CACNA2D3: variants seen among roughly 807,000 people sequenced by gnomAD.
The protein encoded by CACNA2D3 is voltage-dependent calcium channel subunit alpha-2/delta-3.
In CACNA2D3, 60 loss-of-function variants were observed where a neutral mutation model predicts 160.6. The ratio of observed to expected loss-of-function variants is 0.37; its 90% CI spans 0.30 to 0.46. The LOEUF (loss-of-function observed/expected upper bound fraction) is 0.46, where lower values mean the gene tolerates loss of function less well. Ranked by LOEUF, CACNA2D3 falls within the 20% of genes least tolerant of loss-of-function variation. CACNA2D3 has a pLI of 1.00. For synonymous variants in CACNA2D3, 558 were observed against 492.9 expected (o/e 1.13, Z -1.75); for missense variants, 1,205 against 1,365.0 (o/e 0.88, Z 1.85).
intron 11 of CACNA2D3, among the ~76,000 whole-genome samples, chr3:54,681,926 G>A (rs1266335889): frequency 2.6e-5 from 4 of 152,078 alleles, no homozygotes; most frequent in East Asian, 1.9e-4. Flanking sequence ...CAAGTGATCC[G>A]CCTGCCTCCA....
At chr3:55,068,626 A>T (rs905999529) in intron 35 of CACNA2D3, among the ~76,000 whole-genome samples, 3 of 152,102 alleles carry the variant, frequency 2.0e-5, no homozygotes, top group African/African-American at 7.2e-5. Context: ...ATAGTTTTAC[A>T]ACATTATTTT....
chr3:54,935,238 C>T (rs1302632333), intron 27 of CACNA2D3, among the ~76,000 whole-genome samples: 2 of 152,134 alleles, frequency 1.3e-5, no homozygotes, highest in Non-Finnish European at 2.9e-5. Context: ...GGTAGACTTG[C>T]ATTTTGGGGG....
intron 11 of CACNA2D3, among the ~76,000 whole-genome samples, chr3:54,691,930 T>G (rs931003136): frequency 6.6e-6 from 1 of 152,194 alleles, no homozygotes; most frequent in African/African-American, 2.4e-5. Flanking sequence ...ACAATGTCAT[T>G]TATTACAAAC....
intron 26 of CACNA2D3, among the ~76,000 whole-genome samples, chr3:54,897,284 C>T (rs943606971): frequency 1.3e-5 from 2 of 152,088 alleles, no homozygotes; most frequent in African/African-American, 4.8e-5. Context: ...ACTGATATGC[C>T]GGACTAAGGA....
At chr3:54,767,133 CTTTTGAA>C (rs1702240293) in intron 13 of CACNA2D3, among the ~76,000 whole-genome samples, 1 of 151,664 alleles carries the variant, frequency 6.6e-6, no homozygotes, top group African/African-American at 2.4e-5. Flanking sequence ...ACAGTTTTGA[CTTTTGAA>C]AGCATATGAA....
At chr3:54,547,226 G>A (rs562017482) in intron 5 of CACNA2D3, among the ~76,000 whole-genome samples, 1 of 152,308 alleles carries the variant, frequency 6.6e-6, no homozygotes, top group Admixed American at 6.5e-5. Flanking sequence ...AATTCCTAGC[G>A]TGTATCATAC....
intron 5 of CACNA2D3, among the ~76,000 whole-genome samples, chr3:54,505,118 C>T (rs1575493102): frequency 6.6e-6 from 1 of 152,204 alleles, no homozygotes; most frequent in South Asian, 2.1e-4. Context: ...GTCTCTTTTT[C>T]CTGGTTTACC....
chr3:54,602,966 T>C (rs11130429), intron 9 of CACNA2D3, among the ~76,000 whole-genome samples: 3,346 of 152,070 alleles, frequency 0.022, 116 homozygotes, highest in African/African-American at 0.075. Flanking sequence ...CAAACTCAAG[T>C]TGAAGCAGTG....
intron 4 of CACNA2D3, among the ~76,000 whole-genome samples, chr3:54,463,135 C>T (rs914689673): frequency 9.2e-5 from 14 of 152,062 alleles, no homozygotes; most frequent in East Asian, 3.9e-4. Flanking sequence ...GAGTTTCCGC[C>T]GAGAGATCCG....
intron 10 of CACNA2D3, among the ~76,000 whole-genome samples, chr3:54,633,197 C>T (rs1422345251): frequency 6.6e-6 from 1 of 152,210 alleles, no homozygotes; most frequent in Non-Finnish European, 1.5e-5. Context: ...GGAGCCCTAC[C>T]ACCTATCCAT....
At chr3:54,307,287 C>T (rs990421450) in intron 2 of CACNA2D3, among the ~76,000 whole-genome samples, 10 of 152,090 alleles carry the variant, frequency 6.6e-5, no homozygotes, top group African/African-American at 2.4e-4. Flanking sequence ...ATGATGTCTT[C>T]GCATCTCAGC....
intron 9 of CACNA2D3, among the ~76,000 whole-genome samples, chr3:54,602,704 C>A (rs1703086351): frequency 2.0e-5 from 3 of 152,014 alleles, no homozygotes; most frequent in African/African-American, 2.4e-5. Context: ...GGGGTGCCTT[C>A]AAAAGAGTAC....
intron 35 of CACNA2D3, among the ~76,000 whole-genome samples, chr3:55,044,072 G>A (rs9825688): frequency 0.018 from 2,768 of 152,184 alleles, 86 homozygotes; most frequent in African/African-American, 0.063. Flanking sequence ...TTTTCAAAAT[G>A]CCTTTGGCTA....
In CACNA2D3 at chr3:54,790,282, C is replaced by T. The variant is rs1402662826; in HGVS notation, c.1380+25931C>T. ...CAGGGTAACTGGTGCGGTGTCCTCT[C>T]CTAGGGACCTGCCTTCTCCCCTCTC... On this transcript the variant is annotated intron_variant, in intron 13 of 37. Transcript: ENST00000474759. Among the ~76,000 whole-genome samples the T allele has an allele frequency of 2.0e-5, 3 of 152,162 alleles. No individual in the cohort carries two copies. The East Asian group carries it at 5.8e-4, about 29-fold the overall frequency.
intron 14 of CACNA2D3, among the ~76,000 whole-genome samples, chr3:54,821,595 T>C (rs893773894): frequency 6.6e-6 from 1 of 152,256 alleles, no homozygotes; most frequent in African/African-American, 2.4e-5. Flanking sequence ...GTTTATATTA[T>C]ATTTTGGAGG....
chr3:54,817,315 A>G (rs186548363), intron 14 of CACNA2D3, among the ~76,000 whole-genome samples: 2 of 152,202 alleles, frequency 1.3e-5, no homozygotes, highest in Admixed American at 6.5e-5. Context: ...TAATTGTAAA[A>G]ATCAGCAGCT....
chr3:54,291,789 G>A (rs955117220), intron 2 of CACNA2D3, among the ~76,000 whole-genome samples: 2 of 152,134 alleles, frequency 1.3e-5, no homozygotes, highest in African/African-American at 2.4e-5. Flanking sequence ...GAACAGATTC[G>A]AAGTGTAGTC....
At chr3:54,775,131 G>C (rs965102755) in intron 13 of CACNA2D3, among the ~76,000 whole-genome samples, 1 of 152,140 alleles carries the variant, frequency 6.6e-6, no homozygotes, top group Non-Finnish European at 1.5e-5. Flanking sequence ...CAAACGTTGA[G>C]AGATGAGACA....
intron 31 of CACNA2D3, among the ~76,000 whole-genome samples, chr3:54,991,600 A>G (rs1042993375): frequency 7.9e-5 from 12 of 152,176 alleles, no homozygotes; most frequent in Admixed American, 3.9e-4. Context: ...TGCAAATTCA[A>G]TGTTGTCATG....
Sources: allele counts gnomAD v4.1 joint callset (sites outside exome capture counted in the v4.1 genomes callset), GRCh38; gene constraint gnomAD v4.1.1; transcripts MANE v1.5; gene names NCBI Gene and HGNC (gene_info 2026-07-23, HGNC 2026-07-21).